The following PPP2R2C variants were observed in gnomAD, a reference collection of about 807,000 sequenced individuals.
PPP2R2C encodes protein phosphatase 2, regulatory subunit B, gamma.
A neutral mutation model predicts 45.3 loss-of-function variants in PPP2R2C; 10 were observed. The observed-to-expected ratio is 0.22, with a 90% CI of 0.14 to 0.37. PPP2R2C has a LOEUF of 0.37. PPP2R2C is among the 10% of genes least tolerant of loss of function. The pLI is 1.00. For missense variants in PPP2R2C, 308 were observed against 619.7 expected (o/e 0.50, Z 5.34); for synonymous variants, 257 against 245.4 (o/e 1.05, Z -0.44).
intron 2 of PPP2R2C, among the ~76,000 whole-genome samples, chr4:6,524,754 A>T (rs559043984): frequency 1.3e-5 from 2 of 152,294 alleles, no homozygotes; most frequent in Non-Finnish European, 2.9e-5. Context: ...GAAAGGATTC[A>T]TGTACAGAGG....
intron 5 of PPP2R2C, among the ~76,000 whole-genome samples, chr4:6,362,631 G>C (rs940576831): frequency 2.0e-5 from 3 of 152,198 alleles, no homozygotes; most frequent in Non-Finnish European, 2.9e-5. Context: ...CTTGGGCAAG[G>C]GAGCCCACCT....
chr4:6,546,433 C>A (rs1257251437), intron 1 of PPP2R2C, among the ~76,000 whole-genome samples: 2 of 152,220 alleles, frequency 1.3e-5, no homozygotes, highest in African/African-American at 4.8e-5. Flanking sequence ...TTAATCCTCA[C>A]AATAACTTCT....
At chr4:6,425,029 CAA>C (rs1269527303) in intron 1 of PPP2R2C, among the ~76,000 whole-genome samples, 4 of 152,186 alleles carry the variant, frequency 2.6e-5, no homozygotes, top group African/African-American at 9.7e-5. Flanking sequence ...GTGGTGTGGG[CAA>C]AGAGCTTAGC....
chr4:6,400,903 C>T (rs1349971329), intron 1 of PPP2R2C, among the ~76,000 whole-genome samples: 1 of 152,264 alleles, frequency 6.6e-6, no homozygotes, highest in African/African-American at 2.4e-5. Context: ...CAAAGGGATG[C>T]GGAAGGGAAA....
In PPP2R2C at chr4:6,347,958, T is replaced by C. The variant is rs766676790; in HGVS notation, c.678A>G (p.Thr226=). The C allele has an allele frequency of 6.9e-5, 111 of 1,614,076 alleles. 1 individual carries two copies. Among genetic ancestry groups the C allele is most frequent in the Admixed American group, 3.3e-5 (2 of 60,018 alleles). ...ANMEDLTEVI[T]ASEFHPHHCN... Reference sequence around the variant, plus strand: ...AGTGGTGCGGATGGAACTCAGATGCTGTGATCACCTCCGTAAGGTCCTCCA... The same window carrying C: ...AGTGGTGCGGATGGAACTCAGATGCCGTGATCACCTCCGTAAGGTCCTCCA... The change falls in exon 6 of 9, where the codon ACA becomes ACG. Residue 226 remains threonine (T), a synonymous_variant. Transcript: ENST00000382599.
At chr4:6,487,869 CA>C in intron 2 of PPP2R2C, among the ~76,000 whole-genome samples, 1 of 152,130 alleles carries the variant, frequency 6.6e-6, no homozygotes, top group Non-Finnish European at 1.5e-5. Context: ...AAAGTTGTCT[CA>C]ACTCAATGAG....
intron 1 of PPP2R2C, among the ~76,000 whole-genome samples, chr4:6,561,154 C>A (rs1725559982): frequency 6.6e-6 from 1 of 152,186 alleles, no homozygotes; most frequent in Admixed American, 6.5e-5. Flanking sequence ...CTGTGGGGTA[C>A]CTGTCTGCCA....
At chr4:6,374,245 C>T (rs6826043) in intron 4 of PPP2R2C, among the ~76,000 whole-genome samples, 33,773 of 152,068 alleles carry the variant, frequency 0.22, 4,122 homozygotes, top group African/African-American at 0.31. Context: ...TGCTTCCTTC[C>T]GGCAACATTG....
chr4:6,455,621 G>C (rs570974984), intron 1 of PPP2R2C, among the ~76,000 whole-genome samples: 5 of 152,212 alleles, frequency 3.3e-5, no homozygotes, highest in African/African-American at 1.2e-4. Flanking sequence ...ACCTCTGCTG[G>C]AAGTGCTCAC....
chr4:6,376,071 C>G (rs1715276324), intron 3 of PPP2R2C, 140 bp from the exon 4 acceptor site: 1 of 690,270 alleles, frequency 1.4e-6, no homozygotes, highest in African/African-American at 1.8e-5. Context: ...TGGACCAGAA[C>G]TGCAGCTCTG....
chr4:6,385,642 C>T (rs1229926260), intron 1 of PPP2R2C, among the ~76,000 whole-genome samples: 2 of 151,954 alleles, frequency 1.3e-5, no homozygotes, highest in Non-Finnish European at 2.9e-5. Context: ...CAATCTTGGC[C>T]CACTGCAACC....
intron 8 of PPP2R2C, among the ~76,000 whole-genome samples, chr4:6,327,366 G>T (rs1732026929): frequency 6.6e-6 from 1 of 152,184 alleles, no homozygotes; most frequent in African/African-American, 2.4e-5. Context: ...GGCAGGACAG[G>T]AGAGCCCAGG....
Position 6,534,346 on chromosome 4 carries a change from T to C in PPP2R2C, c.49+925A>G, listed in dbSNP as rs541692796. Among the ~76,000 whole-genome samples, 100 of 132,622 alleles carry C rather than the reference T, an allele frequency of 7.5e-4. 1 individual carries two copies. The highest frequency in any genetic ancestry group is 2.7e-3 in the African/African-American group (93 of 33,852). 87.0% of individuals were successfully genotyped at this position (132,622 alleles called of 152,430 possible). ...AAAAACACACATCAACACACATCAATGCCACACATCAATACGTACACTAAC... is the reference window on the plus strand; with the variant it reads ...AAAAACACACATCAACACACATCAACGCCACACATCAATACGTACACTAAC... On this transcript the variant is annotated intron_variant, in intron 2 of 9. Transcript: ENST00000506140.
At chr4:6,434,103 A>G (rs952081711) in intron 1 of PPP2R2C, among the ~76,000 whole-genome samples, 2 of 152,214 alleles carry the variant, frequency 1.3e-5, no homozygotes, top group African/African-American at 4.8e-5. Context: ...TTTTAATCAT[A>G]AAGCATGTCA....
chr4:6,439,882 G>C (rs1305874134), intron 1 of PPP2R2C, among the ~76,000 whole-genome samples: 3 of 152,142 alleles, frequency 2.0e-5, no homozygotes, highest in African/African-American at 7.2e-5. Context: ...GCTGCCTCTT[G>C]CAACACCATT....
intron 1 of PPP2R2C, among the ~76,000 whole-genome samples, chr4:6,409,148 C>T (rs1018490289): frequency 6.6e-6 from 1 of 152,116 alleles, no homozygotes; most frequent in Admixed American, 6.6e-5. Context: ...CATTTTATTA[C>T]ACAAAATACG....
Position 6,329,378 on chromosome 4 carries a change from G to A in PPP2R2C, c.961-25C>T. The A allele has an allele frequency of 2.5e-6, 4 of 1,597,540 alleles. No homozygotes were observed. Among genetic ancestry groups the A allele is most frequent in the Non-Finnish European group, 3.4e-6 (4 of 1,165,034 alleles). On this transcript the variant is annotated intron_variant, in intron 7 of 8. Transcript: ENST00000382599. This position sits in a 1 kb window ranked among gnomAD's most constrained non-coding sequence, Gnocchi z 5.8. ...CCTGGTGGGATAAGGGATGAGGTGA[G>A]TGGACGGGGCGTCCCGACCATCCTG... is the stretch of plus-strand genomic sequence containing the variant.
chr4:6,375,741 C>A, intron 4 of PPP2R2C, 78 bp downstream of exon 4: 2 of 1,277,004 alleles, frequency 1.6e-6, no homozygotes, highest in Non-Finnish European at 2.2e-6. Context: ...TGGCTCAAAT[C>A]TCAAAGGCTT....
At chr4:6,340,434 T>C (rs1379190968) in intron 6 of PPP2R2C, among the ~76,000 whole-genome samples, 1 of 152,074 alleles carries the variant, frequency 6.6e-6, no homozygotes, top group African/African-American at 2.4e-5. Context: ...CCAATGCACC[T>C]ACTTATTTAC....
Sources: allele counts gnomAD v4.1 joint callset (sites outside exome capture counted in the v4.1 genomes callset), GRCh38; gene constraint gnomAD v4.1.1; non-coding constraint Gnocchi (gnomAD v3.1); transcripts MANE v1.5; gene names NCBI Gene and HGNC (gene_info 2026-07-23, HGNC 2026-07-21).